Variants in ZBTB4 observed in about 807,000 individuals in gnomAD.
ZBTB4 encodes the protein zinc finger and BTB domain-containing protein 4.
Under a neutral mutation model 59.8 loss-of-function variants are expected in ZBTB4, and 14 were observed. The observed-to-expected ratio is 0.23, with a 90% confidence interval of 0.15 to 0.37. ZBTB4 has a LOEUF of 0.37. Among genes scored for constraint, ZBTB4 ranks in the 10% least tolerant of loss-of-function variants. ZBTB4 has a pLI of 1.00. For synonymous variants in ZBTB4, 587 were observed against 575.2 expected (o/e 1.02, Z -0.29); for missense variants, 1,198 against 1,380.8 (o/e 0.87, Z 2.10).
Position 7,466,245 on chromosome 17 carries a change from A to C in ZBTB4, c.557T>G (p.Val186Gly), listed in dbSNP as rs771502386. The change falls in exon 3 of 4, where the codon GTA (valine) becomes GGA (glycine). Residue 186 changes from valine (V) to glycine (G), a missense_variant. By Grantham distance (109) the Val-to-Gly change is moderately radical. Around this residue, in one of 9 missense-constraint regions of ZBTB4, gnomAD observed 204 missense variants for 205.5 expected, o/e 0.99. Coordinates refer to ENST00000380599, the MANE Select transcript of ZBTB4 (RefSeq NM_001128833.2). This position sits in a 1 kb window ranked among gnomAD's most constrained non-coding sequence, Gnocchi z 9.1. ...GGCCATGGGGGCTGGGGTAGGAGGT[A>C]CCCAGGCATCACCTCCCTCCCCCAG... Reference protein sequence around the residue: ...QGLGEGGDAWVPPTPAPMATS... With the variant: ...QGLGEGGDAWGPPTPAPMATS... The C allele has an allele frequency of 1.2e-6, 2 of 1,613,124 alleles. No homozygotes were observed. The highest frequency in any genetic ancestry group is 1.7e-6 in the Non-Finnish European group (2 of 1,179,674).
chr17:7,462,676 T>C lies in ZBTB4; in HGVS notation c.2306A>G (p.His769Arg), dbSNP rs1597761428. The change falls in exon 4 of 4, where the codon CAC becomes CGC. Residue 769 changes from histidine (H) to arginine (R), a missense_variant. His to Arg is a conservative substitution (Grantham distance 29). Around this residue, in one of 9 missense-constraint regions of ZBTB4, gnomAD observed 550 missense variants for 541.8 expected, o/e 1.02. Transcript: ENST00000380599. This position sits in a 1 kb window ranked among gnomAD's most constrained non-coding sequence, Gnocchi z 7.5. Reference sequence around the variant, plus strand: ...TGCGGTCTTGCACACCTTGGCGCAGTGGGGGCAGGTAAAGCGGGTGGAGGG... The same window carrying C: ...TGCGGTCTTGCACACCTTGGCGCAGCGGGGGCAGGTAAAGCGGGTGGAGGG... ...RRPSTRFTCPHCAKVCKTAAA... is the reference protein window; with the variant it reads ...RRPSTRFTCPRCAKVCKTAAA... 3.1e-6 allele frequency: 5 copies of C among 1,607,186 alleles called. No homozygotes were observed. Among genetic ancestry groups the C allele is most frequent in the Middle Eastern group, 1.7e-4 (1 of 6,054 alleles).
At position 7,466,432 on chromosome 17, in the gene ZBTB4, G is replaced by A. The variant is rs754025057; in HGVS notation, c.370C>T (p.Arg124Trp). Residue 124 changes from arginine (R) to tryptophan (W), a missense_variant, in exon 3 of 4, where the codon CGG becomes TGG. Around this residue, in one of 9 missense-constraint regions of ZBTB4, gnomAD observed 83 missense variants for 76.5 expected, o/e 1.09. Transcript: ENST00000380599. The surrounding 1 kb of genome is among the most constrained non-coding windows in gnomAD (Gnocchi z 9.1). ...GGGACTCCTGGCAACTCCAGGACCC[G>A]GGGTGGGGAAGAAGCAGGGGGAGAG... is the stretch of plus-strand genomic sequence containing the variant. ...PASPPASSPPRVLELPGVPAA... is the reference protein window; with the variant it reads ...PASPPASSPPWVLELPGVPAA... The A allele has an allele frequency of 8.7e-6, 14 of 1,613,676 alleles. No individual in the cohort carries two copies. The highest frequency in any genetic ancestry group is 4.5e-5 in the East Asian group (2 of 44,872).
intron 1 of ZBTB4, 105 bp downstream of exon 1, chr17:7,479,351 G>A (rs1164784359): frequency 6.5e-6 from 1 of 152,864 alleles, no homozygotes; most frequent in East Asian, 1.9e-4. Context: ...GAGCGGTCTG[G>A]GCGCGGGGCG....
Position 7,463,057 on chromosome 17 carries a change from T to C in ZBTB4, c.1925A>G (p.Glu642Gly), listed in dbSNP as rs2070053896. 6.2e-7 allele frequency: 1 copy of C among 1,611,490 alleles called. No individual in the cohort carries two copies. Among genetic ancestry groups the C allele is most frequent in the South Asian group, 1.1e-5 (1 of 91,044 alleles). ...EMEESEEDEE[E>G]EDEEEEEEDE... Reference sequence around the variant, plus strand: ...CTCCTCCTCCTCCTCTTCGTCCTCCTCCTCTTCGTCCTCCTCACTCTCCTC... The same window carrying C: ...CTCCTCCTCCTCCTCTTCGTCCTCCCCCTCTTCGTCCTCCTCACTCTCCTC... The change falls in exon 4 of 4, where the codon GAG becomes GGG. Residue 642 changes from glutamate (E) to glycine (G), a missense_variant. Coordinates refer to ENST00000380599, the MANE Select transcript of ZBTB4 (RefSeq NM_001128833.2).
In ZBTB4 at chr17:7,477,735, G is replaced by A. The variant is rs1476917268; in HGVS notation, c.-81+1721C>T. Among the ~76,000 whole-genome samples, 5 of 152,250 alleles carry A rather than the reference G, an allele frequency of 3.3e-5. 1 individual carries two copies. Among genetic ancestry groups the A allele is most frequent in the African/African-American group, 1.2e-4 (5 of 41,538 alleles). On this transcript the variant is annotated intron_variant, in intron 1 of 3. Coordinates refer to ENST00000380599, the MANE Select transcript of ZBTB4 (RefSeq NM_001128833.2). ...ACAAGGGGGGCAGAGAGAGGGAGAG[G>A]GTGAAGCAGGAGGAGGCTGAAAACT... is the stretch of plus-strand genomic sequence containing the variant.
Position 7,463,564 on chromosome 17 carries a change from G to C in ZBTB4, c.1418C>G (p.Thr473Ser). 3.8e-6 allele frequency: 6 copies of C among 1,592,420 alleles called. No individual in the cohort carries two copies. Among genetic ancestry groups the C allele is most frequent in the Non-Finnish European group, 4.3e-6 (5 of 1,170,160 alleles). ...GACAGAGGGGGCTGGGTGGGCAAAAGTGATGACAGAGGGTGGAGGGCCAGG... is the reference window on the plus strand; with the variant it reads ...GACAGAGGGGGCTGGGTGGGCAAAACTGATGACAGAGGGTGGAGGGCCAGG... ...PEPGPPPSVI[T>S]FAHPAPSVIV... The change falls in exon 4 of 4, where the codon ACT (threonine) becomes AGT (serine). Residue 473 changes from threonine (T) to serine (S), a missense_variant. This residue lies in a region of ZBTB4 where 550 missense variants were observed against 541.8 expected (regional missense o/e 1.02). Coordinates refer to ENST00000380599, the MANE Select transcript of ZBTB4 (RefSeq NM_001128833.2).
chr17:7,462,283 C>G lies in ZBTB4; in HGVS notation c.2699G>C (p.Gly900Ala). The G allele has an allele frequency of 6.2e-7, 1 of 1,613,798 alleles. No individual in the cohort carries two copies. The highest frequency in any genetic ancestry group is 8.5e-7 in the Non-Finnish European group (1 of 1,179,870). Residue 900 changes from glycine (G) to alanine (A), a missense_variant, in exon 4 of 4, where the codon GGG becomes GCG. Physicochemically the swap from Gly to Ala is moderately conservative, Grantham distance 60. Transcript: ENST00000380599. This position sits in a 1 kb window ranked among gnomAD's most constrained non-coding sequence, Gnocchi z 7.5. The part of the protein sequence containing the change: ...RGKSGSEGPV[G>A]AGEGDRMEGI... The stretch of plus-strand genomic sequence containing the variant: ...CTCCATCCGGTCCCCCTCACCAGCC[C>G]CCACTGGCCCTTCACTCCCAGATTT...
rs370149196 is a variant in ZBTB4, at chr17:7,477,471, C to T, written c.-81+1985G>A. On this transcript the variant is annotated intron_variant, in intron 1 of 3. Transcript: ENST00000380599. Reference sequence around the variant, plus strand: ...AGCCACCCCTTCCCAGCCCCCCATGCCGGAGGGCCTGTCCGCAGCACCCTC... The same window carrying T: ...AGCCACCCCTTCCCAGCCCCCCATGTCGGAGGGCCTGTCCGCAGCACCCTC... Among the ~76,000 whole-genome samples the T allele has an allele frequency of 6.1e-4, 93 of 152,276 alleles. No homozygotes were observed. In the Middle Eastern group the frequency reaches 0.014, roughly 22 times the overall value.
rs1444719259 is a variant in ZBTB4 at position 7,461,389 on chromosome 17, G to A, written c.*551C>T. 1.3e-5 allele frequency: 2 copies of A among 152,852 alleles called. No individual in the cohort carries two copies. 9.5% of individuals were successfully genotyped at this position (152,852 alleles called of 1,614,324 possible). A position where few individuals can be genotyped will look rare whatever the true frequency, so the allele number is the denominator to read the frequency against. ...GTCTTGATACAAGGGAAACAGGGAC[G>A]TAGAGACCCACGCTGGGGAAGGATG... On this transcript the variant is annotated 3_prime_UTR_variant, in exon 4 of 4. Transcript: ENST00000380599.
intron 3 of ZBTB4, among the ~76,000 whole-genome samples, chr17:7,465,096 C>T (rs1229196312): frequency 7.6e-5 from 11 of 144,924 alleles, no homozygotes; most frequent in Non-Finnish European, 1.3e-4. Context: ...GTGGAGCTTG[C>T]AGTGAGCCGA....
intron 1 of ZBTB4, among the ~76,000 whole-genome samples, chr17:7,477,702 A>T (rs1179335780): frequency 1.3e-5 from 2 of 152,168 alleles, no homozygotes; most frequent in Non-Finnish European, 2.9e-5. Context: ...TGTGCGTCAG[A>T]GATACCCACA....
At chr17:7,474,589 T>C (rs537857481) in intron 1 of ZBTB4, among the ~76,000 whole-genome samples, 1 of 152,024 alleles carries the variant, frequency 6.6e-6, no homozygotes, top group African/African-American at 2.4e-5. Flanking sequence ...TAGCACGTAA[T>C]AGGTGGTAAA....
chr17:7,471,259 C>T (rs562247971), intron 1 of ZBTB4, among the ~76,000 whole-genome samples: 14 of 152,200 alleles, frequency 9.2e-5, no homozygotes, highest in African/African-American at 2.4e-4. Flanking sequence ...ACATTGCTCA[C>T]TGCAGCCTGG....
rs1206852510 is a variant in ZBTB4 at position 7,463,331 on chromosome 17, C to T, written c.1651G>A (p.Ala551Thr). 1.2e-6 allele frequency: 2 copies of T among 1,607,764 alleles called. No homozygotes were observed. The highest frequency in any genetic ancestry group is 1.7e-5 in the Admixed American group (1 of 58,864). The change falls in exon 4 of 4, where the codon GCC (alanine) becomes ACC (threonine). Residue 551 changes from alanine to threonine, a missense_variant. Ala to Thr is a moderately conservative substitution (Grantham distance 58, BLOSUM62 0). Around this residue, in one of 9 missense-constraint regions of ZBTB4, gnomAD observed 550 missense variants for 541.8 expected, o/e 1.02. Transcript: ENST00000380599. Reference sequence around the variant, plus strand: ...CCCTTGGCCTCCTCCGTGGTGGTGGCCATGGCTGGCCCTGCAGCGGTGGCT... The same window carrying T: ...CCCTTGGCCTCCTCCGTGGTGGTGGTCATGGCTGGCCCTGCAGCGGTGGCT... ...SPATAAGPAM[A>T]TTTEEAKGRN...
chr17:7,466,495 A>AAGC lies in ZBTB4; in HGVS notation c.306_307insGCT (p.Ser102_Ser103insAla). The AAGC allele has an allele frequency of 6.2e-7, 1 of 1,609,200 alleles. No homozygotes were observed. The highest frequency in any genetic ancestry group is 8.5e-7 in the Non-Finnish European group (1 of 1,177,754). On this transcript the variant is annotated inframe_insertion, in exon 3 of 4. Coordinates refer to ENST00000380599, the MANE Select transcript of ZBTB4 (RefSeq NM_001128833.2). The surrounding 1 kb of genome is among the most constrained non-coding windows in gnomAD (Gnocchi z 9.1). Reference sequence around the variant, plus strand: ...GAGGAAGAGGAAGAGGAAGAAGAAGAAGAAGCAGAGGAGGAAGAAGAGGAA... The same window carrying AAGC: ...GAGGAAGAGGAAGAGGAAGAAGAAGAAGCAGAAGCAGAGGAGGAAGAAGAGGAA...
Position 7,462,215 on chromosome 17 carries a change from G to A in ZBTB4, c.2767C>T (p.Pro923Ser). ...AKVTFYPEPYPLVYGPQLLAA... is the reference protein window; with the variant it reads ...AKVTFYPEPYSLVYGPQLLAA... ...AGGAGCTGGGGGCCATAGACGAGCG[G>A]GTAGGGCTCAGGGTAGAAAGTGACT... Residue 923 changes from proline (P) to serine (S), a missense_variant, in exon 4 of 4, where the codon CCG (proline) becomes TCG (serine). Physicochemically the swap from Pro to Ser is moderately conservative, Grantham distance 74. Around this residue, in one of 9 missense-constraint regions of ZBTB4, gnomAD observed 211 missense variants for 236.1 expected, o/e 0.89. Transcript: ENST00000380599. The surrounding 1 kb of genome is among the most constrained non-coding windows in gnomAD (Gnocchi z 7.5). 2 of 1,613,784 alleles carry A rather than the reference G, an allele frequency of 1.2e-6. No homozygotes were observed. Among genetic ancestry groups the A allele is most frequent in the East Asian group, 2.2e-5 (1 of 44,874 alleles).
rs752847430 is a variant in ZBTB4, at chr17:7,466,304, C to T, written c.498G>A (p.Leu166=). 9.0e-5 allele frequency: 146 copies of T among 1,613,568 alleles called. No individual in the cohort carries two copies. Among genetic ancestry groups the T allele is most frequent in the Non-Finnish European group, 1.2e-4 (138 of 1,179,732 alleles). Residue 166 remains leucine (L), a synonymous_variant, in exon 3 of 4, where the codon TTG becomes TTA. Coordinates refer to ENST00000380599, the MANE Select transcript of ZBTB4 (RefSeq NM_001128833.2). The surrounding 1 kb of genome is among the most constrained non-coding windows in gnomAD (Gnocchi z 9.1). ...GGCGGGAGATGCCCAGACGGCGCCC[C>T]AAAGCTCCAATCTCTGCTACAGCTG... ...DGAAVAEIGA[L]GRRLGISRLQ...
rs2150847919 is a variant in ZBTB4 at position 7,461,883 on chromosome 17, G to C, written c.*57C>G. ...GGGCAGGGAGGCCAGGGAGCTGGTA[G>C]TGGTGGGGGGTTCAGGGAGGGTGGC... On this transcript the variant is annotated 3_prime_UTR_variant, in exon 4 of 4. Coordinates refer to ENST00000380599, the MANE Select transcript of ZBTB4 (RefSeq NM_001128833.2). The C allele has an allele frequency of 6.9e-7, 1 of 1,447,984 alleles. No homozygotes were observed. The highest frequency in any genetic ancestry group is 1.4e-5 in the South Asian group (1 of 72,602). 89.7% of individuals were successfully genotyped at this position (1,447,984 alleles called of 1,614,324 possible). A position where few individuals can be genotyped will look rare whatever the true frequency, so the allele number is the denominator to read the frequency against.
upstream of ZBTB4, chr17:7,482,861 G>T (rs1433519842): frequency 8.7e-6 from 14 of 1,611,928 alleles, no homozygotes; most frequent in African/African-American, 2.7e-5. Context: ...GGTGGTGGTG[G>T]CCCTTATACT....
Sources: allele counts gnomAD v4.1 joint callset (sites outside exome capture counted in the v4.1 genomes callset), GRCh38; gene constraint gnomAD v4.1.1; regional missense constraint gnomAD v4.1.1; non-coding constraint Gnocchi (gnomAD v3.1); transcripts MANE v1.5; gene names NCBI Gene and HGNC (gene_info 2026-07-23, HGNC 2026-07-21).